VEPH1: variants seen among roughly 807,000 people sequenced by gnomAD.
The protein encoded by VEPH1 is ventricular zone expressed PH domain containing 1.
VEPH1 carries 80 observed loss-of-function variants against 85.2 expected under a neutral mutation model. The observed-to-expected ratio is 0.94, with a 90% CI of 0.78 to 1.13. The LOEUF (loss-of-function observed/expected upper bound fraction) is 1.13. VEPH1 is among the 50% of genes most tolerant of loss of function. The pLI is 0.00. For missense variants in VEPH1, 955 were observed against 980.5 expected, an observed-to-expected ratio of 0.97 and a Z score of 0.35; for synonymous variants, 297 against 348.0, an observed-to-expected ratio of 0.85 and a Z score of 1.63.
At chr3:157,443,745 TG>T (rs1734326578) in intron 4 of VEPH1, 1 of 152,242 alleles carries the variant, frequency 6.6e-6, no homozygotes, top group South Asian at 2.1e-4. Context: ...GTTTTAAGTT[TG>T]GCTTCCTATA....
At chr3:157,413,531 G>T in intron 6 of VEPH1, 2 of 985,366 alleles carry the variant, frequency 2.0e-6, no homozygotes, top group Admixed American at 6.1e-5. Context: ...CTGCAAAGTG[G>T]TCTTGAATCT....
intron 11 of VEPH1, among the ~76,000 whole-genome samples, chr3:157,298,693 A>G (rs1250474121): frequency 6.6e-6 from 1 of 152,238 alleles, no homozygotes; most frequent in Non-Finnish European, 1.5e-5. Flanking sequence ...TACCAGACCC[A>G]GAAATGAGGC....
At chr3:157,348,311 A>C (rs2108688558) in intron 9 of VEPH1, among the ~76,000 whole-genome samples, 1 of 152,268 alleles carries the variant, frequency 6.6e-6, no homozygotes, top group South Asian at 2.1e-4. Flanking sequence ...CTATTTGTAG[A>C]TATTGAGGGA....
At chr3:157,345,155 A>T (rs993344604) in intron 9 of VEPH1, among the ~76,000 whole-genome samples, 1 of 152,260 alleles carries the variant, frequency 6.6e-6, no homozygotes, top group African/African-American at 2.4e-5. Context: ...AGCAATGGCA[A>T]CAAAAGCCAA....
At chr3:157,269,645 T>G (rs1243140713) in intron 12 of VEPH1, among the ~76,000 whole-genome samples, 15 of 146,724 alleles carry the variant, frequency 1.0e-4, no homozygotes, top group South Asian at 2.1e-4. Context: ...TTTTGTTGTT[T>G]TTTTTTTTTT....
intron 7 of VEPH1, among the ~76,000 whole-genome samples, chr3:157,368,212 G>C: frequency 6.6e-6 from 1 of 152,174 alleles, no homozygotes; most frequent in East Asian, 1.9e-4. Flanking sequence ...GCTGTAGGAG[G>C]GGATGGCCAC....
chr3:157,322,770 A>T (rs1721491666), intron 9 of VEPH1, among the ~76,000 whole-genome samples: 4 of 152,168 alleles, frequency 2.6e-5, no homozygotes, highest in Admixed American at 2.0e-4. Context: ...TTCATTTTCC[A>T]TTTAATTCTT....
chr3:157,497,595 T>C lies in VEPH1; in HGVS notation c.-157-2089A>G, dbSNP rs532668409. On this transcript the variant is annotated intron_variant, in intron 1 of 13. Coordinates refer to ENST00000362010, the MANE Select transcript of VEPH1 (RefSeq NM_001167912.2). Reference sequence around the variant, plus strand: ...AAATGACTTCACCTGACCTGTCAGCTTGTTGGACATGTGGCACTCCATGAA... The same window carrying C: ...AAATGACTTCACCTGACCTGTCAGCCTGTTGGACATGTGGCACTCCATGAA... Among the ~76,000 whole-genome samples the C allele has an allele frequency of 3.3e-5, 5 of 152,296 alleles. No homozygotes were observed. In the South Asian group the frequency reaches 1.0e-3, roughly 32 times the overall value.
At chr3:157,417,088 T>C (rs1467456103) in intron 5 of VEPH1, among the ~76,000 whole-genome samples, 2 of 152,186 alleles carry the variant, frequency 1.3e-5, no homozygotes, top group East Asian at 3.9e-4. Context: ...TTACTCTGAA[T>C]TCCTAATAGC....
intron 7 of VEPH1, among the ~76,000 whole-genome samples, chr3:157,365,236 A>C (rs959854074): frequency 3.3e-5 from 5 of 152,242 alleles, no homozygotes; most frequent in Admixed American, 3.3e-4. Context: ...TGAGGTGCTG[A>C]GTAATTATAG....
chr3:157,350,147 C>T (rs1226777316), intron 9 of VEPH1, among the ~76,000 whole-genome samples: 1 of 152,154 alleles, frequency 6.6e-6, no homozygotes, highest in Non-Finnish European at 1.5e-5. Flanking sequence ...ACCAAAACAA[C>T]ATGGTACTGT....
At chr3:157,393,590 C>A (rs967971745) in intron 6 of VEPH1, among the ~76,000 whole-genome samples, 24 of 151,986 alleles carry the variant, frequency 1.6e-4, no homozygotes, top group African/African-American at 5.1e-4. Context: ...TGGCACATAG[C>A]AAATATTCAA....
chr3:157,498,226 T>G (rs530188496), intron 1 of VEPH1, among the ~76,000 whole-genome samples: 1 of 152,364 alleles, frequency 6.6e-6, no homozygotes, highest in South Asian at 2.1e-4. Flanking sequence ...CCAGCTCAGC[T>G]ATTCAGCGAT....
intron 6 of VEPH1, among the ~76,000 whole-genome samples, chr3:157,388,147 G>C (rs538502871): frequency 6.6e-6 from 1 of 152,246 alleles, no homozygotes; most frequent in East Asian, 1.9e-4. Context: ...ACACTTGCAA[G>C]GGCCATTAGA....
At chr3:157,354,123 C>G (rs1174264506) in intron 9 of VEPH1, among the ~76,000 whole-genome samples, 1 of 152,118 alleles carries the variant, frequency 6.6e-6, no homozygotes, top group Non-Finnish European at 1.5e-5. Flanking sequence ...CAATGTGTCG[C>G]TGTGGTGAGG....
chr3:157,416,697 A>G (rs1216758172), intron 5 of VEPH1, among the ~76,000 whole-genome samples: 1 of 152,122 alleles, frequency 6.6e-6, no homozygotes, highest in African/African-American at 2.4e-5. Context: ...AACTCCAGTG[A>G]TACGTCCCAA....
chr3:157,340,035 T>G (rs1164169714), intron 9 of VEPH1, among the ~76,000 whole-genome samples: 1 of 152,054 alleles, frequency 6.6e-6, no homozygotes, highest in African/African-American at 2.4e-5. Flanking sequence ...GTCAGTAAGG[T>G]CGAAATCATA....
intron 11 of VEPH1, among the ~76,000 whole-genome samples, chr3:157,295,963 AT>A (rs1718082707): frequency 6.6e-6 from 1 of 152,186 alleles, no homozygotes; most frequent in Non-Finnish European, 1.5e-5. Context: ...TCAAAAAAAA[AT>A]AAATAAATAA....
chr3:157,334,796 T>A (rs551866921), intron 9 of VEPH1, among the ~76,000 whole-genome samples: 2 of 151,974 alleles, frequency 1.3e-5, no homozygotes, highest in African/African-American at 4.8e-5. Flanking sequence ...ATAAATAAAA[T>A]AGCGGGCACC....
Sources: allele counts gnomAD v4.1 joint callset (sites outside exome capture counted in the v4.1 genomes callset), GRCh38; gene constraint gnomAD v4.1.1; transcripts MANE v1.5; gene names NCBI Gene and HGNC (gene_info 2026-07-23, HGNC 2026-07-21).